Variants in ARHGAP19 observed in about 807,000 individuals in gnomAD.
ARHGAP19 encodes Rho GTPase activating protein 19.
ARHGAP19 carries 48 observed loss-of-function variants against 60.9 expected under a neutral mutation model. The ratio of observed to expected loss-of-function variants is 0.79; its 90% confidence interval spans 0.62 to 1.00. The LOEUF is 1.00. Ranked by LOEUF, ARHGAP19 falls within the 50% of genes least tolerant of loss-of-function variation. The pLI, the probability that ARHGAP19 is intolerant of heterozygous loss-of-function variation, is 0.00. For synonymous variants in ARHGAP19, 209 were observed against 215.5 expected (o/e 0.97, Z 0.27); for missense variants, 562 against 597.2 (o/e 0.94, Z 0.61).
chr10:97,269,496 T>C (rs571314262), intron 1 of ARHGAP19, among the ~76,000 whole-genome samples: 1 of 152,350 alleles, frequency 6.6e-6, no homozygotes, highest in South Asian at 2.1e-4. Flanking sequence ...ATGCCAATGA[T>C]GATAAATAAA....
At chr10:97,232,154 A>G (rs962815822) in intron 9 of ARHGAP19, among the ~76,000 whole-genome samples, 4 of 56,302 alleles carry the variant, frequency 7.1e-5, no homozygotes, top group Admixed American at 1.8e-4. Context: ...TTTGCTCACT[A>G]TTTTTTTTTT....
intron 1 of ARHGAP19, among the ~76,000 whole-genome samples, chr10:97,279,434 A>G (rs1843056146): frequency 1.3e-5 from 2 of 152,082 alleles, no homozygotes; most frequent in African/African-American, 4.8e-5. Context: ...TTTAGCCCCT[A>G]TATTTGATCT....
Position 97,256,407 on chromosome 10 carries a change from A to G in ARHGAP19, c.841-3T>C, listed in dbSNP as rs1842753030. ...TCCTGAAGGTCATTTGCAGTGACCTATTCAGAGGAAAAGAAACCAAACAAT... is the reference window on the plus strand; with the variant it reads ...TCCTGAAGGTCATTTGCAGTGACCTGTTCAGAGGAAAAGAAACCAAACAAT... On this transcript the variant is annotated splice_polypyrimidine_tract_variant and splice_region_variant and intron_variant, in intron 5 of 11. Transcript: ENST00000358531. 3 of 1,606,276 alleles carry G rather than the reference A, an allele frequency of 1.9e-6. No individual in the cohort carries two copies. The highest frequency in any genetic ancestry group is 2.6e-6 in the Non-Finnish European group (3 of 1,173,066).
chr10:97,229,692 A>G, intron 10 of ARHGAP19, 72 bp downstream of exon 10: 2 of 1,097,746 alleles, frequency 1.8e-6, no homozygotes, highest in Non-Finnish European at 2.7e-6. Flanking sequence ...AAAACAGATG[A>G]CAGTATATCA....
At chr10:97,235,366 G>T in intron 8 of ARHGAP19, 51 bp from the exon 9 acceptor site, 1 of 1,474,090 alleles carries the variant, frequency 6.8e-7, no homozygotes, top group Non-Finnish European at 9.4e-7. Context: ...ATCAAGACAC[G>T]GCATTCTGTG....
chr10:97,266,355 T>C (rs10786321), intron 1 of ARHGAP19, among the ~76,000 whole-genome samples: 90,690 of 151,902 alleles, frequency 0.6, 27,325 homozygotes, highest in East Asian at 0.74. Flanking sequence ...GCTTTTCCCA[T>C]GTCCACAAAT....
chr10:97,259,047 A>C (rs1490406186), intron 5 of ARHGAP19, among the ~76,000 whole-genome samples: 1 of 152,256 alleles, frequency 6.6e-6, no homozygotes, highest in African/African-American at 2.4e-5. Context: ...TAATTTTATA[A>C]CATTTGATCT....
At chr10:97,258,211 T>A (rs555668499) in intron 5 of ARHGAP19, among the ~76,000 whole-genome samples, 5 of 152,094 alleles carry the variant, frequency 3.3e-5, no homozygotes, top group Non-Finnish European at 7.4e-5. Flanking sequence ...AAAAATGGCT[T>A]GTAGACAGCT....
intron 6 of ARHGAP19, among the ~76,000 whole-genome samples, chr10:97,247,005 C>T (rs1424138499): frequency 6.6e-6 from 1 of 151,972 alleles, no homozygotes; most frequent in East Asian, 1.9e-4. Context: ...GGTGTGGTGG[C>T]GTATGCCTGT....
At chr10:97,272,597 T>C (rs1309321051) in intron 1 of ARHGAP19, among the ~76,000 whole-genome samples, 4 of 152,222 alleles carry the variant, frequency 2.6e-5, no homozygotes, top group Non-Finnish European at 4.4e-5. Flanking sequence ...CACATTTTCC[T>C]TTACTTCTTG....
At chr10:97,278,341 G>A (rs1843044398) in intron 1 of ARHGAP19, among the ~76,000 whole-genome samples, 1 of 152,146 alleles carries the variant, frequency 6.6e-6, no homozygotes, top group Admixed American at 6.5e-5. Flanking sequence ...ATTTTAAATG[G>A]TTGCTGCTTT....
At chr10:97,249,395 T>C (rs1042798023) in intron 6 of ARHGAP19, among the ~76,000 whole-genome samples, 8 of 152,302 alleles carry the variant, frequency 5.3e-5, no homozygotes, top group Admixed American at 5.2e-4. Flanking sequence ...TGTGAGGCAA[T>C]GTGACGCACA....
At chr10:97,289,863 A>AAAG (rs1163540727) in intron 1 of ARHGAP19, among the ~76,000 whole-genome samples, 3 of 151,792 alleles carry the variant, frequency 2.0e-5, no homozygotes, top group East Asian at 1.9e-4. Context: ...AAAAAAAAAA[A>AAAG]AAAGAAAGAA....
chr10:97,263,746 G>C (rs1564723660), intron 3 of ARHGAP19, 117 bp from the exon 4 acceptor site: 5 of 1,075,154 alleles, frequency 4.7e-6, no homozygotes, highest in East Asian at 5.1e-5. Context: ...AGCCTTTCAA[G>C]TAAGTTTTTG....
At chr10:97,235,451 A>G (rs1851113251) in intron 8 of ARHGAP19, 136 bp from the exon 9 acceptor site, 1 of 683,896 alleles carries the variant, frequency 1.5e-6, no homozygotes, top group Non-Finnish European at 2.4e-6. Flanking sequence ...GAGGTCAAAA[A>G]GCCAATCACA....
At chr10:97,276,020 G>A (rs1266371428) in intron 1 of ARHGAP19, among the ~76,000 whole-genome samples, 6 of 1,960 alleles carry the variant, frequency 3.1e-3, no homozygotes, top group Non-Finnish European at 4.0e-3. Flanking sequence ...CCGTCCGGGA[G>A]GTGAGGGGCG....
chr10:97,227,682 G>C (rs1850923219), intron 11 of ARHGAP19, among the ~76,000 whole-genome samples: 2 of 152,102 alleles, frequency 1.3e-5, no homozygotes, highest in South Asian at 4.1e-4. Context: ...CGACTTCTCT[G>C]AACTACTAAC....
chr10:97,246,827 C>T (rs989355879), intron 6 of ARHGAP19, among the ~76,000 whole-genome samples: 1 of 151,920 alleles, frequency 6.6e-6, no homozygotes, highest in Non-Finnish European at 1.5e-5. Context: ...ACAGGGAGAC[C>T]CCCAACTCTA....
chr10:97,278,422 T>A (rs75819930), intron 1 of ARHGAP19, among the ~76,000 whole-genome samples: 6,498 of 152,314 alleles, frequency 0.043, 204 homozygotes, highest in Non-Finnish European at 0.061. Context: ...TGCTGTCTTG[T>A]GCAGACAATG....
Sources: allele counts gnomAD v4.1 joint callset (sites outside exome capture counted in the v4.1 genomes callset), GRCh38; gene constraint gnomAD v4.1.1; transcripts MANE v1.5; gene names NCBI Gene and HGNC (gene_info 2026-07-23, HGNC 2026-07-21).